The following CTPS2 variants were observed in gnomAD, a reference collection of about 807,000 sequenced individuals.
CTPS2 encodes the protein CTP synthase 2.
Under a neutral mutation model 46.8 loss-of-function variants are expected in CTPS2, and 19 were observed. The ratio of observed to expected loss-of-function variants is 0.41; its 90% CI spans 0.28 to 0.60. The LOEUF (loss-of-function observed/expected upper bound fraction) is 0.60. Ranked by LOEUF, CTPS2 falls within the 20% of genes least tolerant of loss-of-function variation. The pLI is 0.35. For missense variants in CTPS2, 286 were observed against 447.6 expected, an observed-to-expected ratio of 0.64 and a Z score of 3.26; for synonymous variants, 151 against 165.2, an observed-to-expected ratio of 0.91 and a Z score of 0.66.
chrX:16,676,717 C>A (rs1329120481), intron 10 of CTPS2, among the ~76,000 whole-genome samples: 1 of 110,712 alleles, frequency 9.0e-6, no homozygotes, highest in Non-Finnish European at 1.9e-5. Context: ...TTAGACTGAC[C>A]CTGCTTATTC....
At chrX:16,681,853 C>G (rs960901571) in intron 9 of CTPS2, among the ~76,000 whole-genome samples, 4 of 111,553 alleles carry the variant, frequency 3.6e-5, no homozygotes, top group African/African-American at 1.3e-4. Flanking sequence ...CTGGCTTATG[C>G]TTTGTTTAAA....
chrX:16,653,320 C>CGAGA (rs1054261833), intron 13 of CTPS2, among the ~76,000 whole-genome samples: 9 of 111,768 alleles, frequency 8.1e-5, no homozygotes, highest in Non-Finnish European at 1.7e-4. Context: ...CACACGATCT[C>CGAGA]ACACGACATC....
chrX:16,696,202 T>A (rs1924109811), intron 4 of CTPS2, among the ~76,000 whole-genome samples: 1 of 112,401 alleles, frequency 8.9e-6, no homozygotes, highest in Non-Finnish European at 1.9e-5. Context: ...CAACAGCTCC[T>A]CTATGATTAA....
At chrX:16,703,031 T>G (rs1924704694) in intron 1 of CTPS2, 90 bp from the exon 2 acceptor site, 2 of 628,916 alleles carry the variant, frequency 3.2e-6, no homozygotes, top group Non-Finnish European at 4.7e-6. Context: ...AATTTTTTTT[T>G]TTTTTTTTTT....
intron 14 of CTPS2, among the ~76,000 whole-genome samples, chrX:16,637,992 ACGCCT>A (rs1277798030): frequency 9.0e-6 from 1 of 111,700 alleles, no homozygotes; most frequent in Non-Finnish European, 1.9e-5. Context: ...GTGGTGACTC[ACGCCT>A]GTAATCCCAG....
At chrX:16,642,098 C>A (rs769607477) in intron 13 of CTPS2, among the ~76,000 whole-genome samples, 1 of 111,937 alleles carries the variant, frequency 8.9e-6, no homozygotes, top group African/African-American at 3.2e-5. Context: ...CTTTGCACAT[C>A]GTATTTTACT....
intron 14 of CTPS2, among the ~76,000 whole-genome samples, chrX:16,629,060 G>A (rs1341539249): frequency 3.6e-5 from 4 of 112,278 alleles, no homozygotes; most frequent in Non-Finnish European, 7.5e-5. Flanking sequence ...CGTGGTGCGG[G>A]TAAGTAGCTC....
At chrX:16,698,149 C>A in intron 4 of CTPS2, 87 bp downstream of exon 4, 1 of 675,567 alleles carries the variant, frequency 1.5e-6, no homozygotes, top group Non-Finnish European at 2.4e-6. Context: ...CTCAGGAGGG[C>A]GTGTGTAAGT....
At chrX:16,698,556 GT>G (rs10604869) in intron 3 of CTPS2, among the ~76,000 whole-genome samples, 1,192 of 104,811 alleles carry the variant, frequency 0.011, 16 homozygotes, top group African/African-American at 0.039. Context: ...GCTTTGTTTT[GT>G]TTTTTTTTTT....
intron 17 of CTPS2, among the ~76,000 whole-genome samples, chrX:16,605,448 G>A (rs1024757298): frequency 1.4e-4 from 16 of 111,732 alleles, no homozygotes; most frequent in African/African-American, 4.6e-4. Context: ...AAGGCCGGTC[G>A]CGGTGGCTCA....
At position 16,588,009 on chromosome X, in the gene CTPS2, T is replaced by G. The variant is rs779931113; in HGVS notation, c.*1808A>C. ...AAAAGGTGAAACAAATTGTGGTATATTCATACAATGGAATTTTATTCAGCC... is the reference window on the plus strand; with the variant it reads ...AAAAGGTGAAACAAATTGTGGTATAGTCATACAATGGAATTTTATTCAGCC... On this transcript the variant is annotated 3_prime_UTR_variant, in exon 19 of 19. Transcript: ENST00000359276. 15 of 111,907 alleles carry G rather than the reference T, an allele frequency of 1.3e-4. No individual in the cohort carries two copies. The highest frequency in any genetic ancestry group is 2.4e-4 in the Non-Finnish European group (13 of 53,201). The allele number at this position is 111,907 out of a possible 1,213,427, so 9.2% of individuals were successfully genotyped here.
chrX:16,592,395 G>C (rs987567038), intron 17 of CTPS2, among the ~76,000 whole-genome samples: 48 of 112,077 alleles, frequency 4.3e-4, no homozygotes, highest in African/African-American at 1.5e-3. Flanking sequence ...AGTGAACACA[G>C]CTGTGTATCC....
chrX:16,615,840 G>A (rs1177487820), intron 16 of CTPS2, among the ~76,000 whole-genome samples: 1 of 111,494 alleles, frequency 9.0e-6, no homozygotes, highest in Non-Finnish European at 1.9e-5. Context: ...CTTTTCTCTT[G>A]TCAACCTGTC....
chrX:16,631,100 G>A (rs1931437575), intron 14 of CTPS2, among the ~76,000 whole-genome samples: 1 of 112,224 alleles, frequency 8.9e-6, no homozygotes, highest in Non-Finnish European at 1.9e-5. Context: ...TGTAATCTCA[G>A]TACTTCAGGA....
chrX:16,602,328 C>T (rs73448226), intron 17 of CTPS2, among the ~76,000 whole-genome samples: 1 of 109,091 alleles, frequency 9.2e-6, no homozygotes, highest in Non-Finnish European at 1.9e-5. Context: ...ATGCAGGGGA[C>T]GGGGGTAGCA....
intron 16 of CTPS2, among the ~76,000 whole-genome samples, chrX:16,611,029 AC>A (rs2147187813): frequency 8.9e-6 from 1 of 112,252 alleles, no homozygotes; most frequent in South Asian, 3.8e-4. Flanking sequence ...GACACTGGGA[AC>A]TACCAGAGGG....
At chrX:16,703,119 G>A (rs765359838) in intron 1 of CTPS2, among the ~76,000 whole-genome samples, 178 bp from the exon 2 acceptor site, 1 of 105,101 alleles carries the variant, frequency 9.5e-6, no homozygotes, top group African/African-American at 3.5e-5. Context: ...TCTGCTCGCT[G>A]GGTTCAAGCG....
chrX:16,633,700 G>A (rs766991793), intron 14 of CTPS2, among the ~76,000 whole-genome samples: 5 of 111,846 alleles, frequency 4.5e-5, no homozygotes, highest in Admixed American at 2.9e-4. Flanking sequence ...AGTAGAAAAC[G>A]TTTTCACTTT....
At chrX:16,642,903 A>G (rs1490490183) in intron 13 of CTPS2, among the ~76,000 whole-genome samples, 1 of 112,273 alleles carries the variant, frequency 8.9e-6, no homozygotes, top group African/African-American at 3.2e-5. Flanking sequence ...AGGAAAACGC[A>G]TCTTCCATTG....
Sources: allele counts gnomAD v4.1 joint callset (sites outside exome capture counted in the v4.1 genomes callset), GRCh38; gene constraint gnomAD v4.1.1; transcripts MANE v1.5; gene names NCBI Gene and HGNC (gene_info 2026-07-23, HGNC 2026-07-21).